APBA2: variants seen among roughly 807,000 people sequenced by gnomAD.
APBA2 encodes amyloid-beta A4 precursor protein-binding family A member 2.
APBA2 carries 30 observed loss-of-function variants against 75.0 expected under a neutral mutation model. That is an observed-to-expected ratio of 0.40 (90% CI 0.30 to 0.54). The LOEUF is 0.54. Ranked by LOEUF, APBA2 falls within the 20% of genes least tolerant of loss-of-function variation. APBA2 has a pLI of 0.49. For missense variants in APBA2, 801 were observed against 1,016.1 expected (o/e 0.79, Z 2.88); for synonymous variants, 444 against 409.6 (o/e 1.08, Z -1.01).
intron 1 of APBA2, among the ~76,000 whole-genome samples, chr15:28,887,864 G>A (rs1251695877): frequency 1.3e-5 from 2 of 152,162 alleles, no homozygotes; most frequent in Middle Eastern, 3.2e-3. Context: ...TAGCGATGGG[G>A]CACCGAGTCT....
chr15:29,111,882 C>T (rs750018345), intron 13 of APBA2, among the ~76,000 whole-genome samples: 2 of 152,272 alleles, frequency 1.3e-5, no homozygotes, highest in East Asian at 1.9e-4. Context: ...TCAGGAGACC[C>T]GAGGGTGCTG....
rs1180318946 is a variant in APBA2 at position 29,106,816 on chromosome 15, C to T, written c.1914C>T (p.Ile638=). The change falls in exon 12 of 15, where the codon ATC becomes ATT. Residue 638 remains isoleucine, a synonymous_variant. Transcript: ENST00000683413. ...GLPLATCQGI[I]KGLKNQTQVK... ...CCCTCGCCACCTGCCAAGGCATCAT[C>T]AAGGTAGGCACCCTGGGATCCTCCG... is the stretch of plus-strand genomic sequence containing the variant. 1.2e-6 allele frequency: 2 copies of T among 1,612,560 alleles called. No individual in the cohort carries two copies. The highest frequency in any genetic ancestry group is 1.7e-6 in the Non-Finnish European group (2 of 1,179,718).
At chr15:29,018,392 G>A (rs1270079234) in intron 3 of APBA2, among the ~76,000 whole-genome samples, 1 of 152,170 alleles carries the variant, frequency 6.6e-6, no homozygotes, top group Non-Finnish European at 1.5e-5. Flanking sequence ...TGTACCTCTG[G>A]CAAATTGCAG....
chr15:29,030,783 A>G (rs2040452847), intron 3 of APBA2, among the ~76,000 whole-genome samples: 3 of 150,924 alleles, frequency 2.0e-5, no homozygotes, highest in African/African-American at 4.9e-5. Flanking sequence ...CGCCTTCTCT[A>G]TTTGTTAGGT....
chr15:28,914,800 T>C (rs2033589387), intron 1 of APBA2, among the ~76,000 whole-genome samples: 1 of 151,960 alleles, frequency 6.6e-6, no homozygotes, highest in South Asian at 2.1e-4. Flanking sequence ...TTCAGGGTTC[T>C]GAGCTGATGG....
intron 1 of APBA2, among the ~76,000 whole-genome samples, chr15:28,902,775 C>T (rs2032934801): frequency 6.6e-6 from 1 of 152,142 alleles, no homozygotes; most frequent in South Asian, 2.1e-4. Context: ...GTCCCTCCAC[C>T]ATGTCCCTGG....
intron 1 of APBA2, among the ~76,000 whole-genome samples, chr15:28,921,341 G>T (rs546728039): frequency 4.9e-4 from 74 of 152,240 alleles, no homozygotes; most frequent in African/African-American, 1.8e-3. Flanking sequence ...TGCTACCTGT[G>T]GCCCGAAATC....
chr15:28,924,465 C>T (rs1311705505), intron 2 of APBA2, among the ~76,000 whole-genome samples: 1 of 152,202 alleles, frequency 6.6e-6, no homozygotes, highest in Non-Finnish European at 1.5e-5. Flanking sequence ...CTTTCTGTCT[C>T]CATGGACTTA....
At chr15:28,907,941 T>G (rs1408712161) in intron 1 of APBA2, among the ~76,000 whole-genome samples, 2 of 152,030 alleles carry the variant, frequency 1.3e-5, no homozygotes, top group Non-Finnish European at 2.9e-5. Flanking sequence ...GGGGGAACCC[T>G]TTCGTTTCTA....
At chr15:28,925,635 ATG>A (rs2034219210) in intron 2 of APBA2, among the ~76,000 whole-genome samples, 1 of 152,198 alleles carries the variant, frequency 6.6e-6, no homozygotes, top group African/African-American at 2.4e-5. Flanking sequence ...CTTGAGAAGA[ATG>A]TGTATTTTGC....
intron 1 of APBA2, among the ~76,000 whole-genome samples, chr15:28,892,452 A>G (rs2032198624): frequency 1.3e-5 from 2 of 152,202 alleles, no homozygotes; most frequent in South Asian, 4.1e-4. Flanking sequence ...AGTTGCCCAC[A>G]GTATTCAGCG....
At chr15:29,106,355 G>T (rs1157171254) in intron 11 of APBA2, among the ~76,000 whole-genome samples, 1 of 150,492 alleles carries the variant, frequency 6.6e-6, no homozygotes, top group East Asian at 2.0e-4. Context: ...GGGGATAGGG[G>T]GTCTGTGCTT....
At chr15:28,971,180 G>T in intron 2 of APBA2, among the ~76,000 whole-genome samples, 1 of 152,064 alleles carries the variant, frequency 6.6e-6, no homozygotes, top group East Asian at 1.9e-4. Context: ...TAATGAGTAA[G>T]AAGTTGTTTT....
intron 8 of APBA2, among the ~76,000 whole-genome samples, chr15:29,096,623 C>T (rs2043862482): frequency 6.6e-6 from 1 of 152,210 alleles, no homozygotes; most frequent in Non-Finnish European, 1.5e-5. Flanking sequence ...GCAAAGAAAG[C>T]CCAAAAGACC....
At chr15:29,035,020 T>A (rs1275885084) in intron 3 of APBA2, among the ~76,000 whole-genome samples, 1 of 152,234 alleles carries the variant, frequency 6.6e-6, no homozygotes, top group Non-Finnish European at 1.5e-5. Context: ...GGGAGGTCCT[T>A]CTTCCCTGGG....
Position 29,094,388 on chromosome 15 carries a change from T to TG in APBA2, c.1251+81dup, listed in dbSNP as rs199832385. On this transcript the variant is annotated intron_variant, in intron 8 of 14. Coordinates refer to ENST00000683413, the MANE Select transcript of APBA2 (RefSeq NM_001353788.2). Reference sequence around the variant, plus strand: ...GTGGCTTGTCCTGGGCAGTGGGGGCTGGGGGGTTCCCCTGGGGATCTAAAT... The same window carrying TG: ...GTGGCTTGTCCTGGGCAGTGGGGGCTGGGGGGGTTCCCCTGGGGATCTAAAT... 7,572 of 1,456,082 alleles carry TG rather than the reference T, an allele frequency of 5.2e-3. 310 individuals carry two copies. The African/African-American group carries it at 0.094, about 18-fold the overall frequency. The allele number at this position is 1,456,082 out of a possible 1,614,324, so 90.2% of individuals were successfully genotyped here.
At chr15:28,910,827 T>C (rs2033395227) in intron 1 of APBA2, among the ~76,000 whole-genome samples, 2 of 152,218 alleles carry the variant, frequency 1.3e-5, no homozygotes, top group Non-Finnish European at 2.9e-5. Flanking sequence ...TCTAATAGTG[T>C]GTCTGCTTGA....
intron 3 of APBA2, among the ~76,000 whole-genome samples, chr15:29,043,037 C>G (rs1472403660): frequency 6.6e-6 from 1 of 152,140 alleles, no homozygotes; most frequent in East Asian, 1.9e-4. Flanking sequence ...TCCAGAAGTT[C>G]TTGTGGGAGA....
chr15:28,960,047 A>G (rs1018247229), intron 2 of APBA2, among the ~76,000 whole-genome samples: 1 of 146,968 alleles, frequency 6.8e-6, no homozygotes, highest in Non-Finnish European at 1.5e-5. Context: ...TGGGAGGCTG[A>G]GGTGGGAGGA....
Sources: gnomAD v4.1 joint callset for allele counts (sites outside exome capture counted in the v4.1 genomes callset) on GRCh38, gnomAD v4.1.1 for gene constraint, MANE v1.5 for transcripts, NCBI Gene and HGNC (gene_info 2026-07-23, HGNC 2026-07-21) for gene names.